The following CCSER1 variants were observed in gnomAD, a reference collection of about 807,000 sequenced individuals.
CCSER1 encodes the protein serine-rich coiled-coil domain-containing protein 1.
A neutral mutation model predicts 82.0 loss-of-function variants in CCSER1; 41 were observed. The ratio of observed to expected loss-of-function variants is 0.50; its 90% confidence interval spans 0.39 to 0.65. The LOEUF (loss-of-function observed/expected upper bound fraction) is 0.65, where lower values mean the gene tolerates loss of function less well. Among genes scored for constraint, CCSER1 ranks in the 30% least tolerant of loss-of-function variants. CCSER1 has a pLI of 0.00. For missense variants in CCSER1, 1,119 were observed against 1,064.2 expected, an observed-to-expected ratio of 1.05 and a Z score of -0.72; for synonymous variants, 414 against 383.9, an observed-to-expected ratio of 1.08 and a Z score of -0.92.
intron 5 of CCSER1, among the ~76,000 whole-genome samples, chr4:90,526,229 T>C (rs945585220): frequency 6.6e-6 from 1 of 152,144 alleles, no homozygotes; most frequent in Non-Finnish European, 1.5e-5. Context: ...CTGTCCTGTA[T>C]GTGGTTTGCC....
intron 8 of CCSER1, among the ~76,000 whole-genome samples, chr4:90,827,156 G>A (rs1391935239): frequency 6.6e-6 from 1 of 152,212 alleles, no homozygotes; most frequent in Non-Finnish European, 1.5e-5. Context: ...AGGAATATCC[G>A]TGCAGTTTCT....
rs779152491 is a variant in CCSER1, at chr4:90,420,458, T to G, written c.1603+20329T>G. 5.3e-5 allele frequency among the ~76,000 whole-genome samples: 8 copies of G among 152,150 alleles called. No homozygotes were observed. The South Asian group carries it at 6.2e-4, about 12-fold the overall frequency. On this transcript the variant is annotated intron_variant, in intron 4 of 10. Transcript: ENST00000509176. ...TTGCTTGTAATAAAGAGATGACTCT[T>G]AAGTAAGAAATTGACTAGCTCCATG... is the stretch of plus-strand genomic sequence containing the variant.
chr4:90,275,384 T>C (rs1727359528), intron 1 of CCSER1, among the ~76,000 whole-genome samples: 1 of 151,932 alleles, frequency 6.6e-6, no homozygotes, highest in Non-Finnish European at 1.5e-5. Flanking sequence ...GAATAATAAA[T>C]ACAAATGTGA....
rs554913721 is a variant in CCSER1 at position 90,665,482 on chromosome 4, C to T, written c.1932+37250C>T. On this transcript the variant is annotated intron_variant, in intron 6 of 10. Coordinates refer to ENST00000509176, the MANE Select transcript of CCSER1 (RefSeq NM_001145065.2). ...GACTACAGGCACCCGCCACCTCGCC[C>T]GGCTAATTTTTTGTATTTTTAGTAG... 9.9e-5 allele frequency among the ~76,000 whole-genome samples: 15 copies of T among 152,022 alleles called. No homozygotes were observed. In the South Asian group the frequency reaches 1.5e-3, roughly 15 times the overall value.
intron 10 of CCSER1, among the ~76,000 whole-genome samples, chr4:91,429,729 A>C (rs549342613): frequency 6.6e-6 from 1 of 152,080 alleles, no homozygotes; most frequent in Non-Finnish European, 1.5e-5. Flanking sequence ...TGTTGTCATG[A>C]GTAAAATCTC....
intron 10 of CCSER1, among the ~76,000 whole-genome samples, chr4:91,479,485 T>C (rs567123817): frequency 6.6e-6 from 1 of 151,664 alleles, no homozygotes; most frequent in Non-Finnish European, 1.5e-5. Context: ...ATATAGTGAA[T>C]AAACATGAAA....
At chr4:91,308,028 T>G (rs1560580308) in intron 10 of CCSER1, among the ~76,000 whole-genome samples, 1 of 151,964 alleles carries the variant, frequency 6.6e-6, no homozygotes, top group Non-Finnish European at 1.5e-5. Context: ...TTGTAGATAT[T>G]AGTTCCCTTC....
intron 10 of CCSER1, among the ~76,000 whole-genome samples, chr4:91,554,429 T>C (rs1578775819): frequency 6.6e-6 from 1 of 151,300 alleles, no homozygotes; most frequent in South Asian, 2.1e-4. Flanking sequence ...AAAAAGAAGC[T>C]AATGAAATGA....
intron 4 of CCSER1, among the ~76,000 whole-genome samples, chr4:90,466,785 A>G (rs1763705463): frequency 6.6e-6 from 1 of 152,234 alleles, no homozygotes; most frequent in Non-Finnish European, 1.5e-5. Context: ...GACAGTTCTG[A>G]GTTGTATTTG....
At chr4:90,400,391 A>G (rs914577696) in intron 4 of CCSER1, among the ~76,000 whole-genome samples, 1 of 152,200 alleles carries the variant, frequency 6.6e-6, no homozygotes, top group African/African-American at 2.4e-5. Flanking sequence ...CAAAATAGGA[A>G]ATATTCTAGT....
chr4:90,795,137 C>T (rs1405755231), intron 7 of CCSER1, among the ~76,000 whole-genome samples: 2 of 151,700 alleles, frequency 1.3e-5, no homozygotes, highest in African/African-American at 2.4e-5. Context: ...AAAAATACAA[C>T]TTAGCTAGGC....
At chr4:90,456,974 C>T (rs931452713) in intron 4 of CCSER1, among the ~76,000 whole-genome samples, 16 of 152,306 alleles carry the variant, frequency 1.1e-4, no homozygotes, top group South Asian at 6.2e-4. Flanking sequence ...AGTCTGCACT[C>T]GGCTTGTACT....
intron 1 of CCSER1, among the ~76,000 whole-genome samples, chr4:90,286,268 C>CT (rs968705907): frequency 6.6e-6 from 1 of 151,844 alleles, no homozygotes; most frequent in Non-Finnish European, 1.5e-5. Flanking sequence ...AGGTCCTGGG[C>CT]TTTTTTTCAT....
In CCSER1 at chr4:90,806,024, GC is replaced by G. The variant is rs573992984; in HGVS notation, c.2011-9737del. On this transcript the variant is annotated intron_variant, in intron 7 of 10. Coordinates refer to ENST00000509176, the MANE Select transcript of CCSER1 (RefSeq NM_001145065.2). ...TTGTTTAAAGGCTTTCATTTTGCCTGCTAGATAGATATTTTAGGTTGGTGCA... is the reference window on the plus strand; with the variant it reads ...TTGTTTAAAGGCTTTCATTTTGCCTGTAGATAGATATTTTAGGTTGGTGCA... Among the ~76,000 whole-genome samples, 793 of 152,260 alleles carry G rather than the reference GC, an allele frequency of 5.2e-3. 7 individuals carry two copies. Among genetic ancestry groups the G allele is most frequent in the African/African-American group, 0.018 (744 of 41,552 alleles).
At chr4:91,409,410 T>C (rs1459983211) in intron 10 of CCSER1, among the ~76,000 whole-genome samples, 1 of 152,194 alleles carries the variant, frequency 6.6e-6, no homozygotes, top group Non-Finnish European at 1.5e-5. Context: ...ACATTTCCAG[T>C]GACACTTAAT....
At chr4:91,179,996 T>C (rs1256470727) in intron 10 of CCSER1, among the ~76,000 whole-genome samples, 1 of 152,210 alleles carries the variant, frequency 6.6e-6, no homozygotes, top group African/African-American at 2.4e-5. Context: ...TTGGTGTGGA[T>C]GTCCTTTCTG....
chr4:90,918,310 T>A, intron 8 of CCSER1: 1 of 451,648 alleles, frequency 2.2e-6, no homozygotes, highest in South Asian at 1.6e-5. Flanking sequence ...TTGATAAATT[T>A]CATCAACTTT....
intron 1 of CCSER1, among the ~76,000 whole-genome samples, chr4:90,305,503 GA>G (rs1283809435): frequency 3.3e-5 from 5 of 152,110 alleles, no homozygotes; most frequent in Non-Finnish European, 7.4e-5. Flanking sequence ...ATATAGTCAT[GA>G]AAAAATGTAT....
chr4:90,723,916 T>G lies in CCSER1; in HGVS notation c.1935T>G (p.Ser645Arg), dbSNP rs756020722. ...LLKMKRVLQE[S>R]ADMSPASSTT... ...ATTCAATTTCACTGTCCTTGCAGAG[T>G]GCAGACATGAGTCCAGCAAGCAGTA... Residue 645 changes from serine to arginine, a missense_variant and splice_region_variant, in exon 7 of 11, where the codon AGT (serine) becomes AGG (arginine). Transcript: ENST00000509176. 1.7e-5 allele frequency: 26 copies of G among 1,560,252 alleles called. No homozygotes were observed. Among genetic ancestry groups the G allele is most frequent in the Admixed American group, 1.8e-5 (1 of 56,060 alleles).
Sources: gnomAD v4.1 joint callset for allele counts (sites outside exome capture counted in the v4.1 genomes callset) on GRCh38, gnomAD v4.1.1 for gene constraint, MANE v1.5 for transcripts, NCBI Gene and HGNC (gene_info 2026-07-23, HGNC 2026-07-21) for gene names.